MYO18B: variants seen among roughly 807,000 people sequenced by gnomAD.
MYO18B encodes the protein myosin XVIIIB.
MYO18B carries 204 observed loss-of-function variants against 273.0 expected under a neutral mutation model. The observed-to-expected ratio is 0.75, with a 90% CI of 0.67 to 0.84. MYO18B has a LOEUF of 0.84. Ranked by LOEUF, MYO18B falls within the 40% of genes least tolerant of loss-of-function variation. The probability of loss-of-function intolerance (pLI) is 0.00; values close to 1 mark genes in which losing one functional copy is unlikely to be tolerated. For synonymous variants in MYO18B, 1,330 were observed against 1,305.7 expected, an observed-to-expected ratio of 1.02 and a Z score of -0.40; for missense variants, 3,212 against 3,287.6, an observed-to-expected ratio of 0.98 and a Z score of 0.56.
intron 27 of MYO18B, among the ~76,000 whole-genome samples, chr22:25,891,620 A>G (rs1177694735): frequency 6.6e-6 from 1 of 152,266 alleles, no homozygotes; most frequent in Admixed American, 6.5e-5. Context: ...ACAATATCCC[A>G]GGTAACAAAT....
At position 25,772,110 on chromosome 22, in the gene MYO18B, G is replaced by T. The variant is rs115557121; in HGVS notation, c.1693-224G>T. Among the ~76,000 whole-genome samples the T allele has an allele frequency of 5.1e-3, 773 of 152,356 alleles. 3 individuals are homozygous for T. The highest frequency in any genetic ancestry group is 0.016 in the African/African-American group (679 of 41,576). On this transcript the variant is annotated intron_variant, in intron 6 of 43. Coordinates refer to ENST00000335473, the MANE Select transcript of MYO18B (RefSeq NM_032608.7). ...TGGAGTGCAGGACCACAGCGAAGAGGGGGTGCCTCATAGGTTGCACAGAGG... is the reference window on the plus strand; with the variant it reads ...TGGAGTGCAGGACCACAGCGAAGAGTGGGTGCCTCATAGGTTGCACAGAGG...
chr22:25,827,899 A>T (rs77228833), intron 14 of MYO18B, among the ~76,000 whole-genome samples: 2,501 of 152,342 alleles, frequency 0.016, 60 homozygotes, highest in African/African-American at 0.051. Flanking sequence ...AGCACCTAGT[A>T]GGTGTCTGTC....
chr22:25,828,653 T>G, intron 14 of MYO18B, 123 bp from the exon 15 acceptor site: 2 of 879,824 alleles, frequency 2.3e-6, no homozygotes, highest in Non-Finnish European at 3.5e-6. Context: ...GTAGCTTGCC[T>G]GAGGTCACAC....
At chr22:25,781,197 G>A (rs775528124) in intron 9 of MYO18B, among the ~76,000 whole-genome samples, 13 of 152,328 alleles carry the variant, frequency 8.5e-5, no homozygotes, top group Non-Finnish European at 1.2e-4. Context: ...TAATTGAAAT[G>A]AATCTATTGC....
intron 25 of MYO18B, among the ~76,000 whole-genome samples, chr22:25,882,733 CT>C: frequency 6.6e-6 from 1 of 152,148 alleles, no homozygotes. Context: ...ATGTCGGTCA[CT>C]TTTACATTAA....
At chr22:25,896,491 C>A (rs182312098) in intron 28 of MYO18B, 1 of 152,142 alleles carries the variant, frequency 6.6e-6, no homozygotes, top group African/African-American at 2.4e-5. Flanking sequence ...TCATCCTGGC[C>A]GCCATAATAT....
At chr22:25,744,945 T>G (rs1196748441) in intron 1 of MYO18B, among the ~76,000 whole-genome samples, 2 of 151,918 alleles carry the variant, frequency 1.3e-5, no homozygotes, top group African/African-American at 4.8e-5. Context: ...TGGGCCAAGA[T>G]CAGCCCCTGC....
intron 14 of MYO18B, among the ~76,000 whole-genome samples, chr22:25,827,455 G>A (rs75369921): frequency 0.016 from 2,486 of 152,268 alleles, 62 homozygotes; most frequent in African/African-American, 0.048. Context: ...CCATCGTTAC[G>A]CACAATGCAC....
intron 11 of MYO18B, among the ~76,000 whole-genome samples, chr22:25,789,048 T>C (rs887365571): frequency 2.6e-5 from 4 of 151,392 alleles, no homozygotes; most frequent in Admixed American, 6.6e-5. Context: ...CCTTCTTTCT[T>C]TTTCTTCTCT....
intron 11 of MYO18B, among the ~76,000 whole-genome samples, chr22:25,786,548 T>C (rs891051827): frequency 1.3e-5 from 2 of 149,040 alleles, no homozygotes; most frequent in East Asian, 2.0e-4. Flanking sequence ...AAAAAATGAG[T>C]CACAGATCTA....
At chr22:25,772,534 G>A in intron 7 of MYO18B, 24 bp downstream of exon 7, 1 of 1,600,112 alleles carries the variant, frequency 6.2e-7, no homozygotes, top group Non-Finnish European at 8.5e-7. Flanking sequence ...ATTGTGGGCA[G>A]GGCTGAGGGG....
At chr22:25,788,990 G>A (rs772885759) in intron 11 of MYO18B, among the ~76,000 whole-genome samples, 10 of 152,012 alleles carry the variant, frequency 6.6e-5, no homozygotes, top group Non-Finnish European at 1.3e-4. Flanking sequence ...GAAGTACTTC[G>A]GCAGTGCCTG....
At chr22:25,989,626 C>CAAAAAA (rs56004208) in intron 39 of MYO18B, among the ~76,000 whole-genome samples, 1 of 88,606 alleles carries the variant, frequency 1.1e-5, no homozygotes, top group Non-Finnish European at 2.0e-5. Context: ...ACTAAAAATA[C>CAAAAAA]AAAAAAAAAA....
intron 24 of MYO18B, among the ~76,000 whole-genome samples, 156 bp from the exon 25 acceptor site, chr22:25,877,803 A>C (rs1425799387): frequency 1.3e-5 from 2 of 152,162 alleles, no homozygotes; most frequent in Admixed American, 1.3e-4. Flanking sequence ...TGAAATATAC[A>C]GTGCACCATT....
intron 23 of MYO18B, among the ~76,000 whole-genome samples, chr22:25,875,506 C>CA: frequency 4.9e-5 from 1 of 20,554 alleles, no homozygotes; most frequent in South Asian, 4.5e-3. Context: ...CTGTTCTGGT[C>CA]CCCCCCCCAG....
At chr22:25,784,339 C>G (rs1021580597) in intron 10 of MYO18B, among the ~76,000 whole-genome samples, 1 of 152,228 alleles carries the variant, frequency 6.6e-6, no homozygotes, top group African/African-American at 2.4e-5. Flanking sequence ...AGCACTTACT[C>G]CATGCCAGCC....
chr22:25,754,324 T>G (rs527795940), intron 1 of MYO18B, among the ~76,000 whole-genome samples: 1 of 152,058 alleles, frequency 6.6e-6, no homozygotes, highest in South Asian at 2.1e-4. Flanking sequence ...ATCCTGGAGG[T>G]CAGTGTAATT....
Position 25,910,915 on chromosome 22 carries a change from C to T in MYO18B, c.5260-31C>T, listed in dbSNP as rs759726005. ...ATGTGTCTGGATGGAGTTCATTTACCCTGTGATGTTTCTTCCCTGTGTATC... is the reference window on the plus strand; with the variant it reads ...ATGTGTCTGGATGGAGTTCATTTACTCTGTGATGTTTCTTCCCTGTGTATC... On this transcript the variant is annotated intron_variant, in intron 32 of 43. Transcript: ENST00000335473. The T allele has an allele frequency of 3.9e-6, 6 of 1,519,276 alleles. No individual in the cohort carries two copies. In the South Asian group the frequency reaches 7.2e-5, roughly 18 times the overall value. 94.1% of individuals were successfully genotyped at this position (1,519,276 alleles called of 1,614,324 possible).
chr22:25,855,393 T>C (rs748884461), intron 21 of MYO18B, among the ~76,000 whole-genome samples: 15 of 151,734 alleles, frequency 9.9e-5, no homozygotes, highest in Admixed American at 2.0e-4. Flanking sequence ...ACACCATTCT[T>C]CTGCCACAGC....
Sources: gnomAD v4.1 joint callset for allele counts (sites outside exome capture counted in the v4.1 genomes callset) on GRCh38, gnomAD v4.1.1 for gene constraint, MANE v1.5 for transcripts, NCBI Gene and HGNC (gene_info 2026-07-23, HGNC 2026-07-21) for gene names.